DMD: variants seen among roughly 807,000 people sequenced by gnomAD.
The protein encoded by DMD is mutant dystrophin.
In DMD, 63 loss-of-function variants were observed where a neutral mutation model predicts 330.1. That is an observed-to-expected ratio of 0.19 (90% CI 0.16 to 0.24). The LOEUF (loss-of-function observed/expected upper bound fraction) is 0.24. DMD is among the 10% of genes least tolerant of loss of function. The probability of loss-of-function intolerance (pLI) is 1.00; values close to 1 mark genes in which losing one functional copy is unlikely to be tolerated. For synonymous variants in DMD, 1,223 were observed against 959.8 expected, an observed-to-expected ratio of 1.27 and a Z score of -5.07; for missense variants, 3,344 against 2,684.1, an observed-to-expected ratio of 1.25 and a Z score of -5.43.
At chrX:31,469,805 C>T (rs774503610) in intron 59 of DMD, among the ~76,000 whole-genome samples, 35 of 111,828 alleles carry the variant, frequency 3.1e-4, no homozygotes, top group Non-Finnish European at 4.1e-4. Context: ...TTCAGGTACA[C>T]CAATCAAATG....
intron 9 of DMD, among the ~76,000 whole-genome samples, chrX:32,668,229 G>T (rs1421525013): frequency 9.0e-6 from 1 of 111,222 alleles, no homozygotes; most frequent in Non-Finnish European, 1.9e-5. Context: ...CAAATTGCTG[G>T]CCCATTTGCT....
At chrX:31,933,390 C>T (rs776377248) in intron 45 of DMD, among the ~76,000 whole-genome samples, 2 of 112,086 alleles carry the variant, frequency 1.8e-5, no homozygotes, top group South Asian at 7.3e-4. Context: ...ATGTTGTACT[C>T]GTGGAAGTTT....
rs1263446106 is a variant in DMD, at chrX:32,787,376, G to A, written c.649+22117C>T. Among the ~76,000 whole-genome samples, 5 of 110,182 alleles carry A rather than the reference G, an allele frequency of 4.5e-5. No individual in the cohort carries two copies. The East Asian group carries it at 1.1e-3, about 25-fold the overall frequency. ...CAAGGATATCAAAGATTACCACCCA[G>A]TACACCAGCTGTGAGCCAGCAGTAT... On this transcript the variant is annotated intron_variant, in intron 7 of 78. Transcript: ENST00000357033.
At chrX:33,089,665 G>A (rs961638332) in intron 1 of DMD, among the ~76,000 whole-genome samples, 1 of 111,864 alleles carries the variant, frequency 8.9e-6, no homozygotes, top group Non-Finnish European at 1.9e-5. Flanking sequence ...GTACACAGGG[G>A]TATTTGATGA....
intron 1 of DMD, among the ~76,000 whole-genome samples, chrX:33,311,562 A>G (rs1441082381): frequency 9.0e-6 from 1 of 111,018 alleles, no homozygotes; most frequent in Non-Finnish European, 1.9e-5. Context: ...TTACTTACGA[A>G]TACTAAAGTC....
intron 1 of DMD, among the ~76,000 whole-genome samples, chrX:33,129,861 C>CA (rs2095489235): frequency 8.9e-6 from 1 of 111,818 alleles, no homozygotes; most frequent in Admixed American, 9.6e-5. Context: ...TACTCATTGT[C>CA]GTACTGCTTA....
intron 1 of DMD, among the ~76,000 whole-genome samples, chrX:33,239,301 A>AAAAT (rs2052546294): frequency 1.1e-5 from 1 of 92,538 alleles, no homozygotes; most frequent in African/African-American, 3.7e-5. Context: ...AAAAAAAAAA[A>AAAAT]TGTCGAATGT....
At chrX:31,241,238 A>T (rs1003166886) in intron 63 of DMD, among the ~76,000 whole-genome samples, 51 of 111,898 alleles carry the variant, frequency 4.6e-4, no homozygotes, top group Non-Finnish European at 9.4e-4. Context: ...TCTCAGGAAG[A>T]AAGTATAGCT....
At chrX:33,187,925 G>A (rs774935602) in intron 1 of DMD, among the ~76,000 whole-genome samples, 1 of 111,284 alleles carries the variant, frequency 9.0e-6, no homozygotes, top group East Asian at 2.8e-4. Context: ...TTATGATGCT[G>A]TGGGTATTAC....
At chrX:32,856,709 A>G (rs1444840607) in intron 2 of DMD, among the ~76,000 whole-genome samples, 1 of 111,735 alleles carries the variant, frequency 8.9e-6, no homozygotes, top group Non-Finnish European at 1.9e-5. Flanking sequence ...AGTGGGTACA[A>G]AAATCTAGTT....
intron 55 of DMD, among the ~76,000 whole-genome samples, chrX:31,529,249 G>C (rs1366302441): frequency 9.1e-6 from 1 of 109,322 alleles, no homozygotes; most frequent in Non-Finnish European, 1.9e-5. Context: ...GGTGGGCATA[G>C]TGGTGCACAG....
chrX:31,267,818 AAAG>A (rs2051297842), intron 62 of DMD, among the ~76,000 whole-genome samples: 2 of 112,438 alleles, frequency 1.8e-5, no homozygotes, highest in Non-Finnish European at 3.8e-5. Context: ...GAAATACTCA[AAAG>A]AAGAAGAAAG....
intron 47 of DMD, among the ~76,000 whole-genome samples, chrX:31,888,688 T>C (rs1275690761): frequency 8.9e-6 from 1 of 111,863 alleles, no homozygotes; most frequent in Non-Finnish European, 1.9e-5. Context: ...TGGTAAAATA[T>C]CCCTCACTAG....
intron 44 of DMD, among the ~76,000 whole-genome samples, chrX:32,171,738 GA>G (rs2096888453): frequency 9.0e-6 from 1 of 111,434 alleles, no homozygotes; most frequent in Non-Finnish European, 1.9e-5. Flanking sequence ...AGACATCCTT[GA>G]AATGTACATA....
intron 48 of DMD, among the ~76,000 whole-genome samples, chrX:31,860,803 T>C (rs931952793): frequency 8.9e-6 from 1 of 112,462 alleles, no homozygotes; most frequent in Non-Finnish European, 1.9e-5. Context: ...AACCCTGTTC[T>C]AGCCATCAAT....
At chrX:32,758,641 C>T (rs1383965368) in intron 7 of DMD, among the ~76,000 whole-genome samples, 2 of 111,615 alleles carry the variant, frequency 1.8e-5, no homozygotes, top group Non-Finnish European at 3.8e-5. Flanking sequence ...GAATCTCAGA[C>T]TTCGGAATCA....
At chrX:31,703,982 A>T (rs1044352948) in intron 52 of DMD, among the ~76,000 whole-genome samples, 1 of 111,803 alleles carries the variant, frequency 8.9e-6, no homozygotes, top group Admixed American at 9.5e-5. Context: ...TACCCTTCCT[A>T]GGCTCCATTT....
At chrX:32,493,512 G>A (rs1406521618) in intron 19 of DMD, among the ~76,000 whole-genome samples, 1 of 111,730 alleles carries the variant, frequency 9.0e-6, no homozygotes, top group Non-Finnish European at 1.9e-5. Flanking sequence ...GCTTAAGGAA[G>A]CAATTGTGAC....
At chrX:31,636,013 T>C (rs2079393147) in intron 54 of DMD, among the ~76,000 whole-genome samples, 1 of 112,135 alleles carries the variant, frequency 8.9e-6, no homozygotes, top group Admixed American at 9.5e-5. Context: ...ATTTCAGTCA[T>C]TGTGAAAACC....
Sources: allele counts gnomAD v4.1 joint callset (sites outside exome capture counted in the v4.1 genomes callset), GRCh38; gene constraint gnomAD v4.1.1; transcripts MANE v1.5; gene names NCBI Gene and HGNC (gene_info 2026-07-23, HGNC 2026-07-21).